Variants in MARK4 observed in about 807,000 individuals in gnomAD.
MARK4 encodes the protein MAP/microtubule affinity-regulating kinase 4.
A neutral mutation model predicts 81.5 loss-of-function variants in MARK4; 19 were observed. The ratio of observed to expected loss-of-function variants is 0.23; its 90% CI spans 0.16 to 0.34. The LOEUF (loss-of-function observed/expected upper bound fraction) is 0.34, where lower values mean the gene tolerates loss of function less well. Ranked by LOEUF, MARK4 falls within the 10% of genes least tolerant of loss-of-function variation. The pLI is 1.00. For missense variants in MARK4, 772 were observed against 1,058.8 expected (o/e 0.73, Z 3.76); for synonymous variants, 436 against 439.0 (o/e 0.99, Z 0.08).
chr19:45,262,570 T>G (rs1000608973), intron 2 of MARK4, among the ~76,000 whole-genome samples: 1 of 152,180 alleles, frequency 6.6e-6, no homozygotes, highest in South Asian at 2.1e-4. Context: ...AGGGATCCCC[T>G]CAAGGTCTCG....
rs753210321 is a variant in MARK4 at position 45,259,215 on chromosome 19, C to T, written c.252+26C>T. ...GTGAGTATGGGCACAGGGTGGGGCT[C>T]GGGGCAGGTCCCTGTGGGACCAGGT... On this transcript the variant is annotated intron_variant, in intron 2 of 16. Coordinates refer to ENST00000262891, the MANE Select transcript of MARK4 (RefSeq NM_001199867.2). 2.7e-5 allele frequency: 44 copies of T among 1,610,522 alleles called. 1 individual carries two copies. The South Asian group carries it at 3.7e-4, about 14-fold the overall frequency.
intron 6 of MARK4, 140 bp from the exon 7 acceptor site, chr19:45,266,085 T>G: frequency 1.2e-6 from 1 of 824,958 alleles, no homozygotes; most frequent in Non-Finnish European, 2.1e-6. Context: ...TTGCTGTGAC[T>G]GAATCAGGGT....
chr19:45,265,196 C>T (rs1202972630), intron 6 of MARK4, among the ~76,000 whole-genome samples: 7 of 151,912 alleles, frequency 4.6e-5, no homozygotes, highest in Non-Finnish European at 8.8e-5. Flanking sequence ...GTGCCCAGCG[C>T]GTAGGTGTGT....
In MARK4 at chr19:45,287,655, G is replaced by A. The variant is rs1970762897; in HGVS notation, c.1485G>A (p.Thr495=). ...TCCCAGAGCGGCGGAAGGACAGCAC[G>A]AGCACCCCCGTGAGTGACCAGGGCT... is the stretch of plus-strand genomic sequence containing the variant. ...AEIPERRKDS[T]STPNNLPPSM... is the part of the protein sequence containing the mutation. Residue 495 remains threonine (T), a synonymous_variant, in exon 13 of 17, where the codon ACG becomes ACA. Transcript: ENST00000262891. 10 of 1,599,608 alleles carry A rather than the reference G, an allele frequency of 6.3e-6. No homozygotes were observed. Among genetic ancestry groups the A allele is most frequent in the African/African-American group, 1.3e-5 (1 of 74,652 alleles).
Position 45,287,497 on chromosome 19 carries a change from G to A in MARK4, c.1327G>A (p.Gly443Arg). The A allele has an allele frequency of 2.6e-6, 4 of 1,528,018 alleles. No individual in the cohort carries two copies. The highest frequency in any genetic ancestry group is 3.5e-6 in the Non-Finnish European group (4 of 1,133,844). The allele number at this position is 1,528,018 out of a possible 1,614,324, so 94.7% of individuals were successfully genotyped here. A position where few individuals can be genotyped will look rare whatever the true frequency, so the allele number is the denominator to read the frequency against. Residue 443 changes from glycine (G) to arginine (R), a missense_variant, in exon 13 of 17, where the codon GGG becomes AGG. This residue lies in a region of MARK4 where 548 missense variants were observed against 624.3 expected (regional missense o/e 0.88). Transcript: ENST00000262891. ...LHPKRSPTST[G>R]EAELKEERLP... is the part of the protein sequence containing the mutation. ...CCCCAAACGCAGCCCGACGAGCACG[G>A]GGGAGGCGGAGCTGAAGGAGGAGCG... is the stretch of plus-strand genomic sequence containing the variant.
chr19:45,292,494 T>C (rs1302724682), intron 13 of MARK4, among the ~76,000 whole-genome samples: 2 of 152,164 alleles, frequency 1.3e-5, no homozygotes, highest in African/African-American at 4.8e-5. Context: ...ACTGGCACAG[T>C]AAGCACTCAG....
intron 1 of MARK4, among the ~76,000 whole-genome samples, chr19:45,254,205 C>T (rs1970279484): frequency 6.6e-6 from 1 of 152,194 alleles, no homozygotes; most frequent in Non-Finnish European, 1.5e-5. Flanking sequence ...TGTTGGGGCG[C>T]CAGCCGGGCG....
intron 1 of MARK4, among the ~76,000 whole-genome samples, chr19:45,257,834 C>T (rs1253128416): frequency 4.6e-5 from 7 of 151,686 alleles, no homozygotes; most frequent in East Asian, 3.9e-4. Context: ...GGACTACAGG[C>T]GCATACTGCC....
chr19:45,257,747 C>G (rs1383255744), intron 1 of MARK4, among the ~76,000 whole-genome samples: 2 of 140,434 alleles, frequency 1.4e-5, no homozygotes, highest in Non-Finnish European at 3.1e-5. Context: ...TGGAGTGCAG[C>G]GGCGCGATCT....
intron 7 of MARK4, among the ~76,000 whole-genome samples, chr19:45,269,589 A>G (rs893161606): frequency 6.6e-6 from 1 of 152,144 alleles, no homozygotes; most frequent in African/African-American, 2.4e-5. Context: ...GAAGGACCGC[A>G]GTTGGGATGG....
chr19:45,260,216 C>A (rs1391595460), intron 2 of MARK4, among the ~76,000 whole-genome samples: 1 of 150,992 alleles, frequency 6.6e-6, no homozygotes, highest in Non-Finnish European at 1.5e-5. Flanking sequence ...ATGGTAAAAC[C>A]CCGTCTCTAC....
rs76754579 is a variant in MARK4 at position 45,298,179 on chromosome 19, C to T, written c.1877+225C>T. On this transcript the variant is annotated intron_variant, in intron 15 of 16. Coordinates refer to ENST00000262891, the MANE Select transcript of MARK4 (RefSeq NM_001199867.2). Reference sequence around the variant, plus strand: ...ATCCCTCTAAACGGCAGAACTCTAACCGCTGTGTTTCGGGCGCCTCTCTGC... The same window carrying T: ...ATCCCTCTAAACGGCAGAACTCTAATCGCTGTGTTTCGGGCGCCTCTCTGC... The T allele has an allele frequency of 6.6e-4, 1,073 of 1,614,138 alleles. 23 individuals carry two copies. In the East Asian group the frequency reaches 0.022, roughly 33 times the overall value.
chr19:45,266,115 G>A (rs112630035), intron 6 of MARK4, 110 bp from the exon 7 acceptor site: 7 of 1,077,742 alleles, frequency 6.5e-6, no homozygotes, highest in African/African-American at 4.7e-5. Flanking sequence ...CAGATCTCAG[G>A]CTGTGCCTTG....
intron 14 of MARK4, among the ~76,000 whole-genome samples, chr19:45,295,838 T>C (rs916020410): frequency 6.6e-6 from 1 of 152,090 alleles, no homozygotes; most frequent in Non-Finnish European, 1.5e-5. Flanking sequence ...GCAGTAGAGA[T>C]CAGGTGTGTC....
chr19:45,297,167 G>A (rs569941754), intron 14 of MARK4, among the ~76,000 whole-genome samples: 10 of 152,128 alleles, frequency 6.6e-5, no homozygotes, highest in African/African-American at 1.9e-4. Flanking sequence ...CCCTGCTGTC[G>A]ACTAGGAGGG....
intron 14 of MARK4, among the ~76,000 whole-genome samples, chr19:45,296,524 G>A (rs1242548893): frequency 6.6e-6 from 1 of 152,198 alleles, no homozygotes; most frequent in African/African-American, 2.4e-5. Flanking sequence ...GAGCACTTCT[G>A]CTTATATCCC....
chr19:45,252,092 T>C (rs1209194298), intron 1 of MARK4, among the ~76,000 whole-genome samples: 1 of 151,932 alleles, frequency 6.6e-6, no homozygotes, highest in Non-Finnish European at 1.5e-5. Flanking sequence ...CGGCCTTCCC[T>C]GTCTGGGGCT....
At chr19:45,258,408 TA>T (rs1970337028) in intron 1 of MARK4, among the ~76,000 whole-genome samples, 1 of 152,132 alleles carries the variant, frequency 6.6e-6, no homozygotes, top group African/African-American at 2.4e-5. Flanking sequence ...GGTATGTGTG[TA>T]ATTAGAAAAG....
intron 13 of MARK4, among the ~76,000 whole-genome samples, chr19:45,288,904 G>A (rs1448662925): frequency 2.7e-5 from 4 of 149,018 alleles, no homozygotes. Context: ...CAGCTCCTCA[G>A]CTCTTCCGGC....
Sources: gnomAD v4.1 joint callset for allele counts (sites outside exome capture counted in the v4.1 genomes callset) on GRCh38, gnomAD v4.1.1 for gene constraint, gnomAD v4.1.1 regional missense constraint, MANE v1.5 for transcripts, NCBI Gene and HGNC (gene_info 2026-07-23, HGNC 2026-07-21) for gene names.